Variants in TMX4 observed in about 807,000 individuals in gnomAD.
The protein encoded by TMX4 is thioredoxin-related transmembrane protein 4.
In TMX4, 23 loss-of-function variants were observed where a neutral mutation model predicts 33.3. The ratio of observed to expected loss-of-function variants is 0.69; its 90% CI spans 0.50 to 0.98. The LOEUF is 0.98. Among genes scored for constraint, TMX4 ranks in the 50% least tolerant of loss-of-function variants. The probability of loss-of-function intolerance (pLI) is 0.00; values close to 1 mark genes in which losing one functional copy is unlikely to be tolerated. For missense variants in TMX4, 399 were observed against 448.9 expected (o/e 0.89, Z 1.01); for synonymous variants, 164 against 161.5 (o/e 1.02, Z -0.12).
intron 5 of TMX4, among the ~76,000 whole-genome samples, chr20:7,988,173 C>G (rs6133520): frequency 0.26 from 39,212 of 152,072 alleles, 9,342 homozygotes; most frequent in African/African-American, 0.6. Flanking sequence ...TCCTCACAAT[C>G]ACTTAGTCAT....
intron 2 of TMX4, among the ~76,000 whole-genome samples, chr20:8,007,781 G>A (rs571591397): frequency 6.8e-4 from 103 of 152,298 alleles, no homozygotes; most frequent in South Asian, 1.7e-3. Flanking sequence ...AACAGGTCTT[G>A]ATAAATTGAA....
Position 8,010,322 on chromosome 20 carries a change from G to T in TMX4, c.177-7C>A. 6.3e-7 allele frequency: 1 copy of T among 1,587,808 alleles called. No homozygotes were observed. The highest frequency in any genetic ancestry group is 1.1e-5 in the South Asian group (1 of 88,446). ...TGGACACCATGGGGCGTAACTATAA[G>T]AGAAGAATAAGAATTATATTGATAA... On this transcript the variant is annotated splice_region_variant and splice_polypyrimidine_tract_variant and intron_variant, in intron 1 of 7. Coordinates refer to ENST00000246024, the MANE Select transcript of TMX4 (RefSeq NM_021156.4).
intron 5 of TMX4, among the ~76,000 whole-genome samples, chr20:7,992,355 A>T (rs537022658): frequency 6.6e-6 from 1 of 152,304 alleles, no homozygotes; most frequent in East Asian, 1.9e-4. Flanking sequence ...GTGAGTTTAT[A>T]TAAAAATTAA....
chr20:8,001,103 C>T (rs1162619209), intron 3 of TMX4, among the ~76,000 whole-genome samples: 1 of 152,166 alleles, frequency 6.6e-6, no homozygotes, highest in African/African-American at 2.4e-5. Flanking sequence ...CCAGCTATAC[C>T]TGTGGTCCAG....
At chr20:8,006,007 G>C (rs544646566) in intron 2 of TMX4, among the ~76,000 whole-genome samples, 2 of 139,628 alleles carry the variant, frequency 1.4e-5, no homozygotes, top group Admixed American at 7.0e-5. Flanking sequence ...GATAAGGCAG[G>C]GGGGTGTCTA....
At chr20:8,015,644 C>CCATCAAGA (rs1356971313) in intron 1 of TMX4, among the ~76,000 whole-genome samples, 1 of 152,176 alleles carries the variant, frequency 6.6e-6, no homozygotes, top group Admixed American at 6.5e-5. Flanking sequence ...CTCAAACATT[C>CCATCAAGA]CATCAAGACA....
intron 1 of TMX4, among the ~76,000 whole-genome samples, chr20:8,014,328 G>A (rs895900870): frequency 1.3e-5 from 2 of 152,152 alleles, no homozygotes; most frequent in African/African-American, 4.8e-5. Context: ...TGAACAAATG[G>A]GAGATGATAG....
chr20:7,999,693 G>C (rs200767534), intron 4 of TMX4, 39 bp downstream of exon 4: 1 of 1,589,604 alleles, frequency 6.3e-7, no homozygotes, highest in South Asian at 1.2e-5. Flanking sequence ...AAAACCTCCT[G>C]TTTTATTAGT....
intron 2 of TMX4, among the ~76,000 whole-genome samples, chr20:8,005,211 G>A (rs975076596): frequency 6.6e-6 from 1 of 151,246 alleles, no homozygotes; most frequent in Non-Finnish European, 1.5e-5. Flanking sequence ...CAAGGGTGAT[G>A]AGCAGCTGCT....
intron 1 of TMX4, chr20:8,019,198 C>G (rs1392529251): frequency 3.9e-6 from 2 of 512,182 alleles, no homozygotes; most frequent in African/African-American, 2.1e-5. Context: ...GCGGCGCGAG[C>G]GGCCGGGCCC....
rs1013748560 is a variant in TMX4 at position 7,979,888 on chromosome 20, T to A, written c.*2363A>T. 3.3e-5 allele frequency: 5 copies of A among 152,210 alleles called. No homozygotes were observed. The East Asian group carries it at 7.7e-4, about 24-fold the overall frequency. 9.4% of individuals were successfully genotyped at this position (152,210 alleles called of 1,614,324 possible). ...TATATATAATGAGGTATCTTGGGAG[T>A]AGACCCAAGTCTAAACACAAAATTC... On this transcript the variant is annotated 3_prime_UTR_variant, in exon 8 of 8. Coordinates refer to ENST00000246024, the MANE Select transcript of TMX4 (RefSeq NM_021156.4).
At chr20:7,995,993 G>A in intron 5 of TMX4, 33 bp downstream of exon 5, 1 of 1,537,804 alleles carries the variant, frequency 6.5e-7, no homozygotes, top group Middle Eastern at 1.8e-4. Context: ...TAACCTCTCT[G>A]CAAATATAAA....
intron 2 of TMX4, among the ~76,000 whole-genome samples, chr20:8,008,569 A>G (rs2050739915): frequency 6.6e-6 from 1 of 152,200 alleles, no homozygotes; most frequent in African/African-American, 2.4e-5. Context: ...AACCCATCAC[A>G]AGGCTGTTTA....
intron 4 of TMX4, among the ~76,000 whole-genome samples, chr20:7,998,815 T>C (rs1417290464): frequency 6.6e-6 from 1 of 152,174 alleles, no homozygotes; most frequent in Non-Finnish European, 1.5e-5. Flanking sequence ...GAGAAATGTC[T>C]CCTACTCCCT....
intron 5 of TMX4, among the ~76,000 whole-genome samples, chr20:7,994,877 T>G (rs2050669247): frequency 6.6e-6 from 1 of 152,188 alleles, no homozygotes; most frequent in Non-Finnish European, 1.5e-5. Context: ...TCACCAATGT[T>G]AAGAAAGCAG....
chr20:7,997,637 C>T (rs145960414), intron 4 of TMX4, among the ~76,000 whole-genome samples: 267 of 152,270 alleles, frequency 1.8e-3, no homozygotes, highest in African/African-American at 5.9e-3. Flanking sequence ...CACCTGACCC[C>T]AGCCAATAAA....
chr20:8,019,288 G>A lies in TMX4; in HGVS notation c.176+150C>T, dbSNP rs565734137. ...GGCAGTGCAGGATCGCAAGCGGCCC[G>A]GCACCGGCGCCGCAGGTTGTTGGCA... On this transcript the variant is annotated intron_variant, in intron 1 of 7. Transcript: ENST00000246024. The A allele has an allele frequency of 4.5e-4, 432 of 950,648 alleles. 1 individual carries two copies. The African/African-American group carries it at 7.3e-3, about 16-fold the overall frequency. 58.9% of individuals were successfully genotyped at this position (950,648 alleles called of 1,614,324 possible). A position where few individuals can be genotyped will look rare whatever the true frequency, so the allele number is the denominator to read the frequency against.
chr20:8,002,829 C>G (rs1338163456), intron 2 of TMX4, among the ~76,000 whole-genome samples: 1 of 151,996 alleles, frequency 6.6e-6, no homozygotes, highest in Non-Finnish European at 1.5e-5. Flanking sequence ...CATTTCAGAC[C>G]AAGTGGATTC....
intron 3 of TMX4, among the ~76,000 whole-genome samples, chr20:8,000,667 C>T (rs2050702018): frequency 6.6e-6 from 1 of 152,152 alleles, no homozygotes; most frequent in South Asian, 2.1e-4. Context: ...CCTTGACCTG[C>T]TTCCCTTCCC....
Sources: gnomAD v4.1 joint callset for allele counts (sites outside exome capture counted in the v4.1 genomes callset) on GRCh38, gnomAD v4.1.1 for gene constraint, MANE v1.5 for transcripts, NCBI Gene and HGNC (gene_info 2026-07-23, HGNC 2026-07-21) for gene names.